VPS41: variants seen among roughly 807,000 people sequenced by gnomAD.
The protein encoded by VPS41 is vacuolar protein sorting-associated protein 41 homolog.
Under a neutral mutation model 130.9 loss-of-function variants are expected in VPS41, and 85 were observed. The ratio of observed to expected loss-of-function variants is 0.65; its 90% CI spans 0.55 to 0.78. The LOEUF is 0.78. Among genes scored for constraint, VPS41 ranks in the 30% least tolerant of loss-of-function variants. VPS41 has a pLI of 0.00. For missense variants in VPS41, 874 were observed against 1,018.7 expected (o/e 0.86, Z 1.93); for synonymous variants, 335 against 332.9 (o/e 1.01, Z -0.07).
In VPS41 at chr7:38,830,343, A is replaced by T. The variant is rs1209990732; in HGVS notation, c.247-15T>A. ...TTCACAGGACTCTAAAAAGAAAAAGACAAAAAGATGTGTAAAACTTCAGGA... is the reference window on the plus strand; with the variant it reads ...TTCACAGGACTCTAAAAAGAAAAAGTCAAAAAGATGTGTAAAACTTCAGGA... On this transcript the variant is annotated splice_polypyrimidine_tract_variant and intron_variant, in intron 4 of 28. Coordinates refer to ENST00000310301, the MANE Select transcript of VPS41 (RefSeq NM_014396.4). The T allele has an allele frequency of 6.5e-7, 1 of 1,546,178 alleles. No individual in the cohort carries two copies. Among genetic ancestry groups the T allele is most frequent in the Non-Finnish European group, 8.9e-7 (1 of 1,117,796 alleles).
chr7:38,752,445 T>C, intron 21 of VPS41, 132 bp from the exon 22 acceptor site: 1 of 1,051,766 alleles, frequency 9.5e-7, no homozygotes, highest in Non-Finnish European at 1.3e-6. Context: ...GGAAAACCTC[T>C]AGGTGATGGA....
intron 27 of VPS41, chr7:38,728,269 C>A: frequency 1.7e-6 from 1 of 599,744 alleles, no homozygotes; most frequent in Non-Finnish European, 3.0e-6. Context: ...AGTTTGGAAC[C>A]AGAGACTCTA....
intron 7 of VPS41, among the ~76,000 whole-genome samples, chr7:38,808,740 C>T (rs923724792): frequency 6.6e-6 from 1 of 152,156 alleles, no homozygotes; most frequent in Admixed American, 6.5e-5. Flanking sequence ...GGACAGGAGA[C>T]AGAGAGGAAC....
intron 10 of VPS41, among the ~76,000 whole-genome samples, chr7:38,780,923 A>AC (rs1454471860): frequency 1.3e-5 from 2 of 151,880 alleles, no homozygotes; most frequent in East Asian, 3.9e-4. Flanking sequence ...TGTGGCATCT[A>AC]CCCCTGCCTC....
chr7:38,890,582 T>C (rs1786838940), intron 2 of VPS41, among the ~76,000 whole-genome samples: 2 of 152,218 alleles, frequency 1.3e-5, no homozygotes, highest in Admixed American at 1.3e-4. Context: ...GTCTGTGCCT[T>C]GTATCAATAT....
intron 2 of VPS41, among the ~76,000 whole-genome samples, chr7:38,896,230 C>G (rs1449701844): frequency 6.6e-6 from 1 of 152,156 alleles, no homozygotes; most frequent in African/African-American, 2.4e-5. Flanking sequence ...TGATTCTGTA[C>G]CAATGATTCT....
chr7:38,834,271 C>T (rs1241291444), intron 4 of VPS41, among the ~76,000 whole-genome samples: 6 of 152,126 alleles, frequency 3.9e-5, no homozygotes, highest in Non-Finnish European at 7.4e-5. Flanking sequence ...AAACATGGAA[C>T]ATTTCTCCAT....
chr7:38,904,550 G>A (rs986467395), intron 1 of VPS41, among the ~76,000 whole-genome samples: 8 of 152,152 alleles, frequency 5.3e-5, no homozygotes, highest in East Asian at 1.9e-4. Flanking sequence ...TCCAGGTTTC[G>A]ATGATTAACC....
chr7:38,859,082 T>G (rs769159426), intron 4 of VPS41, among the ~76,000 whole-genome samples: 1 of 151,874 alleles, frequency 6.6e-6, no homozygotes, highest in Non-Finnish European at 1.5e-5. Context: ...TGTGTTTGTA[T>G]CTTCATTTTT....
chr7:38,776,063 G>T (rs1168848481), intron 11 of VPS41, among the ~76,000 whole-genome samples: 1 of 152,116 alleles, frequency 6.6e-6, no homozygotes, highest in East Asian at 1.9e-4. Flanking sequence ...GAGACTGGGT[G>T]TGGATACCCA....
At chr7:38,879,068 T>C (rs1786548234) in intron 2 of VPS41, among the ~76,000 whole-genome samples, 1 of 152,212 alleles carries the variant, frequency 6.6e-6, no homozygotes, top group Non-Finnish European at 1.5e-5. Context: ...CCTGTGCTGC[T>C]GGCCTTCTAC....
intron 1 of VPS41, 108 bp downstream of exon 1, chr7:38,909,046 C>A (rs1787329743): frequency 1.4e-5 from 18 of 1,330,098 alleles, no homozygotes; most frequent in Non-Finnish European, 1.9e-5. Flanking sequence ...ACCTGCCTTG[C>A]GCTATTCCAG....
intron 2 of VPS41, among the ~76,000 whole-genome samples, chr7:38,878,965 A>C (rs760559649): frequency 6.6e-5 from 10 of 152,216 alleles, no homozygotes; most frequent in Non-Finnish European, 1.3e-4. Context: ...AAAATGGAAA[A>C]CGTAATAAAT....
rs1783848664 is a variant in VPS41, at chr7:38,758,437, A to T, written c.1467T>A (p.Asn489Lys). 6.2e-7 allele frequency: 1 copy of T among 1,613,520 alleles called. No homozygotes were observed. Among genetic ancestry groups the T allele is most frequent in the Non-Finnish European group, 8.5e-7 (1 of 1,179,746 alleles). The stretch of plus-strand genomic sequence containing the variant: ...GAACTGCTTGAACTATGACTGAATT[A>T]TTATACAGATCTCCAGGCCATTCTC... ...LIREWPGDLY[N>K]NSVIVQAVRD... Residue 489 changes from asparagine to lysine, a missense_variant, in exon 18 of 29, where the codon AAT becomes AAA. By Grantham distance (94) the Asn-to-Lys change is moderately conservative (BLOSUM62 0). Coordinates refer to ENST00000310301, the MANE Select transcript of VPS41 (RefSeq NM_014396.4).
intron 3 of VPS41, 91 bp downstream of exon 3, chr7:38,869,055 A>T (rs1584436683): frequency 1.0e-6 from 1 of 954,580 alleles, no homozygotes. Flanking sequence ...CACTGTAAAA[A>T]GCCACCACCA....
chr7:38,880,252 C>T (rs763216782), intron 2 of VPS41, among the ~76,000 whole-genome samples: 9 of 152,352 alleles, frequency 5.9e-5, no homozygotes, highest in African/African-American at 1.2e-4. Flanking sequence ...CTTCCTATCA[C>T]ATGACCAGAC....
intron 22 of VPS41, among the ~76,000 whole-genome samples, chr7:38,748,165 G>A (rs1158864066): frequency 6.6e-6 from 1 of 152,198 alleles, no homozygotes; most frequent in South Asian, 2.1e-4. Context: ...CCCTCTAGAG[G>A]AAACAGTAGG....
rs375966886 is a variant in VPS41 at position 38,766,707 on chromosome 7, ATGATAG to A, written c.1247+824_1247+829del. 4.5e-3 allele frequency among the ~76,000 whole-genome samples: 684 copies of A among 152,266 alleles called. 4 individuals carry two copies. The highest frequency in any genetic ancestry group is 0.016 in the African/African-American group (659 of 41,574). On this transcript the variant is annotated intron_variant, in intron 15 of 28. Transcript: ENST00000310301. ...GGATGGTTTCCCTCAACCTGTTTTC[ATGATAG>A]TGAGTTAGTTCTCACGAGCTCTGAT... is the stretch of plus-strand genomic sequence containing the variant.
chr7:38,908,071 A>C (rs1787308035), intron 1 of VPS41, among the ~76,000 whole-genome samples: 1 of 152,232 alleles, frequency 6.6e-6, no homozygotes, highest in East Asian at 1.9e-4. Flanking sequence ...TATACAGAAC[A>C]AATTTTCACT....
Sources: allele counts gnomAD v4.1 joint callset (sites outside exome capture counted in the v4.1 genomes callset), GRCh38; gene constraint gnomAD v4.1.1; transcripts MANE v1.5; gene names NCBI Gene and HGNC (gene_info 2026-07-23, HGNC 2026-07-21).